Variants in SEL1L3 observed in about 807,000 individuals in gnomAD.
SEL1L3 encodes the protein SEL1L family member 3, also known as protein sel-1 homolog 3.
SEL1L3 carries 76 observed loss-of-function variants against 142.8 expected under a neutral mutation model. That is an observed-to-expected ratio of 0.53 (90% CI 0.44 to 0.64). The LOEUF is 0.64. Ranked by LOEUF, SEL1L3 falls within the 30% of genes least tolerant of loss-of-function variation. The pLI is 0.00. For missense variants in SEL1L3, 1,262 were observed against 1,381.7 expected, an observed-to-expected ratio of 0.91 and a Z score of 1.37; for synonymous variants, 504 against 519.6, an observed-to-expected ratio of 0.97 and a Z score of 0.41.
intron 16 of SEL1L3, 103 bp downstream of exon 16, chr4:25,778,973 T>C (rs1719819143): frequency 9.9e-7 from 1 of 1,012,974 alleles, no homozygotes; most frequent in Admixed American, 2.4e-5. Context: ...ACTACATGCA[T>C]GTACAACTGG....
intron 9 of SEL1L3, among the ~76,000 whole-genome samples, chr4:25,809,956 C>G (rs190375547): frequency 1.3e-5 from 2 of 152,234 alleles, no homozygotes; most frequent in Non-Finnish European, 2.9e-5. Context: ...GGTAGAGCTT[C>G]GCTAGTGCAG....
Position 25,804,637 on chromosome 4 carries a change from A to G in SEL1L3, c.1680T>C (p.Phe560=), listed in dbSNP as rs370641319. The G allele has an allele frequency of 4.9e-5, 79 of 1,613,778 alleles. No homozygotes were observed. Among genetic ancestry groups the G allele is most frequent in the Non-Finnish European group, 6.4e-5 (75 of 1,179,776 alleles). Residue 560 remains phenylalanine, a synonymous_variant, in exon 10 of 24, where the codon TTT becomes TTC. Transcript: ENST00000399878. ...GLHQISSIVP[F]LTDSSCCGYH... ...ATCCACAGCAGCTGGAATCCGTCAG[A>G]AAGGGGACGATAGAGCTAATTTGGT...
chr4:25,725,728 T>A, the SEL1L3 span, among the ~76,000 whole-genome samples: 3 of 152,206 alleles, frequency 2.0e-5, no homozygotes, highest in African/African-American at 7.2e-5. Flanking sequence ...TTTCTCTTCC[T>A]TTTAGACTCT....
intron 2 of SEL1L3, among the ~76,000 whole-genome samples, chr4:25,840,665 T>C (rs187842153): frequency 6.6e-6 from 1 of 152,356 alleles, no homozygotes; most frequent in Non-Finnish European, 1.5e-5. Context: ...AAACTGCTTA[T>C]CCAGTCTTAC....
chr4:25,767,150 T>G (rs1718799436), intron 19 of SEL1L3, among the ~76,000 whole-genome samples: 1 of 152,012 alleles, frequency 6.6e-6, no homozygotes, highest in African/African-American at 2.4e-5. Flanking sequence ...AAAAATTAGC[T>G]GGGCGTGGTC....
intron 14 of SEL1L3, among the ~76,000 whole-genome samples, chr4:25,783,080 A>C (rs1711539652): frequency 6.6e-6 from 1 of 152,266 alleles, no homozygotes; most frequent in South Asian, 2.1e-4. Flanking sequence ...AAATTGATAC[A>C]GAATAAAGCA....
rs1000972024 is a variant in SEL1L3 at position 25,835,610 on chromosome 4, A to T, written c.734-287T>A. ...AGTTCACAAAGTTAATAAGTGATAGAACCACAATTCAGGTTCTGAACTCAG... is the reference window on the plus strand; with the variant it reads ...AGTTCACAAAGTTAATAAGTGATAGTACCACAATTCAGGTTCTGAACTCAG... On this transcript the variant is annotated intron_variant, in intron 2 of 23. Coordinates refer to ENST00000399878, the MANE Select transcript of SEL1L3 (RefSeq NM_015187.5). Among the ~76,000 whole-genome samples, 11 of 152,258 alleles carry T rather than the reference A, an allele frequency of 7.2e-5. 1 individual carries two copies. The highest frequency in any genetic ancestry group is 2.2e-4 in the African/African-American group (9 of 41,472).
upstream of SEL1L3, chr4:25,863,391 C>T (rs1449295222): frequency 1.9e-5 from 13 of 694,310 alleles, no homozygotes; most frequent in Admixed American, 6.1e-5. Flanking sequence ...TTTCTCCCTT[C>T]CCATCCTCTT....
At chr4:25,720,857 A>G in the SEL1L3 span, 1 of 152,182 alleles carries the variant, frequency 6.6e-6, no homozygotes, top group Non-Finnish European at 1.5e-5. Flanking sequence ...GGTGAGCCCA[A>G]GTATTTGAAA....
intron 9 of SEL1L3, among the ~76,000 whole-genome samples, chr4:25,813,967 T>G (rs990866026): frequency 6.6e-6 from 1 of 152,134 alleles, no homozygotes. Flanking sequence ...TTGGCTGAGA[T>G]AGTGAGCAGA....
chr4:25,829,534 C>T (rs1043053383), intron 6 of SEL1L3, among the ~76,000 whole-genome samples: 2 of 152,096 alleles, frequency 1.3e-5, no homozygotes, highest in African/African-American at 2.4e-5. Flanking sequence ...ATAAAACCCA[C>T]GATTATACGT....
intron 2 of SEL1L3, among the ~76,000 whole-genome samples, chr4:25,838,055 AG>A (rs1045928695): frequency 6.6e-6 from 1 of 152,232 alleles, no homozygotes; most frequent in African/African-American, 2.4e-5. Flanking sequence ...TACTTGATAA[AG>A]ACCCCATAAA....
At chr4:25,830,443 C>A (rs1055821274) in intron 5 of SEL1L3, among the ~76,000 whole-genome samples, 7 of 152,186 alleles carry the variant, frequency 4.6e-5, no homozygotes, top group Non-Finnish European at 1.0e-4. Context: ...TGTATTTGTC[C>A]TTAAACGCTT....
the SEL1L3 span, among the ~76,000 whole-genome samples, chr4:25,726,527 C>CAA: frequency 2.4e-5 from 3 of 123,042 alleles, no homozygotes; most frequent in Non-Finnish European, 5.1e-5. Context: ...GACTTGGTCT[C>CAA]AAAAAAAAAA....
At chr4:25,852,039 A>C (rs747019534) in intron 1 of SEL1L3, among the ~76,000 whole-genome samples, 2 of 152,136 alleles carry the variant, frequency 1.3e-5, no homozygotes, top group Non-Finnish European at 2.9e-5. Flanking sequence ...CAAACTGTCC[A>C]TGCCACCCCC....
At chr4:25,824,506 C>T (rs1032206370) in intron 6 of SEL1L3, among the ~76,000 whole-genome samples, 1 of 152,202 alleles carries the variant, frequency 6.6e-6, no homozygotes, top group Non-Finnish European at 1.5e-5. Context: ...CAAACAGTGT[C>T]AGGCACAGAG....
chr4:25,789,862 C>T (rs961048294), intron 12 of SEL1L3, among the ~76,000 whole-genome samples: 3 of 152,156 alleles, frequency 2.0e-5, no homozygotes, highest in Non-Finnish European at 4.4e-5. Context: ...GGGTGCTTCC[C>T]CAGCCGTCTG....
intron 7 of SEL1L3, 104 bp downstream of exon 7, chr4:25,821,892 A>G: frequency 8.5e-7 from 1 of 1,175,148 alleles, no homozygotes; most frequent in South Asian, 1.6e-5. Flanking sequence ...GAGGCGATGC[A>G]TGGTCTGGCT....
chr4:25,764,711 G>A (rs142318027), intron 20 of SEL1L3, among the ~76,000 whole-genome samples: 57 of 152,256 alleles, frequency 3.7e-4, no homozygotes, highest in African/African-American at 1.3e-3. Context: ...TAGGAGCTGG[G>A]CATTTTGCTT....
Sources: gnomAD v4.1 joint callset for allele counts (sites outside exome capture counted in the v4.1 genomes callset) on GRCh38, gnomAD v4.1.1 for gene constraint, MANE v1.5 for transcripts, NCBI Gene and HGNC (gene_info 2026-07-23, HGNC 2026-07-21) for gene names.